The following TADA1 variants were observed in gnomAD, a reference collection of about 807,000 sequenced individuals.
TADA1 encodes transcriptional adaptor 1.
Under a neutral mutation model 39.3 loss-of-function variants are expected in TADA1, and 23 were observed. That is an observed-to-expected ratio of 0.58 (90% CI 0.42 to 0.83). The LOEUF is 0.83. Ranked by LOEUF, TADA1 falls within the 40% of genes least tolerant of loss-of-function variation. The probability of loss-of-function intolerance (pLI) is 0.00; values close to 1 mark genes in which losing one functional copy is unlikely to be tolerated. For synonymous variants in TADA1, 137 were observed against 151.8 expected, an observed-to-expected ratio of 0.90 and a Z score of 0.72; for missense variants, 352 against 408.1, an observed-to-expected ratio of 0.86 and a Z score of 1.18.
intron 1 of TADA1, among the ~76,000 whole-genome samples, chr1:166,873,216 A>G (rs893355573): frequency 2.6e-5 from 4 of 152,198 alleles, no homozygotes; most frequent in Non-Finnish European, 4.4e-5. Flanking sequence ...GGTTGCAGTG[A>G]GCCGAGATCG....
Position 166,864,033 on chromosome 1 carries a change from A to G in TADA1, c.233-112T>C, listed in dbSNP as rs561280513. 95 of 744,466 alleles carry G rather than the reference A, an allele frequency of 1.3e-4. No homozygotes were observed. The African/African-American group carries it at 1.7e-3, about 13-fold the overall frequency. 46.1% of individuals were successfully genotyped at this position (744,466 alleles called of 1,614,324 possible). On this transcript the variant is annotated intron_variant, in intron 3 of 7. Transcript: ENST00000367874. ...GAATGCTCATGAAATGCAAATAACT[A>G]ATGAATGCTTAAATCAAAACCTTCT...
At chr1:166,875,636 A>G (rs1658746828) in intron 1 of TADA1, among the ~76,000 whole-genome samples, 1 of 152,252 alleles carries the variant, frequency 6.6e-6, no homozygotes, top group African/African-American at 2.4e-5. Context: ...GTAGTGTTCA[A>G]TGACTGTGAT....
rs111946109 is a variant in TADA1 at position 166,865,746 on chromosome 1, G to A, written c.233-1825C>T. Among the ~76,000 whole-genome samples, 888 of 152,042 alleles carry A rather than the reference G, an allele frequency of 5.8e-3. 15 individuals carry two copies. The highest frequency in any genetic ancestry group is 0.02 in the African/African-American group (849 of 41,482). On this transcript the variant is annotated intron_variant, in intron 3 of 7. Coordinates refer to ENST00000367874, the MANE Select transcript of TADA1 (RefSeq NM_053053.4). Reference sequence around the variant, plus strand: ...AAGCAGGAGAATGGCGTGAACCTGGGAGGCGGAGCTTGCAGTGAGCCGAGA... The same window carrying A: ...AAGCAGGAGAATGGCGTGAACCTGGAAGGCGGAGCTTGCAGTGAGCCGAGA...
chr1:166,866,341 T>C (rs1208106806), intron 3 of TADA1, among the ~76,000 whole-genome samples: 1 of 152,198 alleles, frequency 6.6e-6, no homozygotes, highest in Non-Finnish European at 1.5e-5. Context: ...TGTTTCCTTA[T>C]CTATAAAAAC....
intron 6 of TADA1, 89 bp from the exon 7 acceptor site, chr1:166,858,370 A>G: frequency 1.0e-6 from 1 of 1,003,612 alleles, no homozygotes; most frequent in East Asian, 2.9e-5. Context: ...TATTTAAAAA[A>G]TCTTTAATTG....
intron 3 of TADA1, among the ~76,000 whole-genome samples, chr1:166,866,196 A>G (rs1658530754): frequency 6.6e-6 from 1 of 152,246 alleles, no homozygotes; most frequent in Non-Finnish European, 1.5e-5. Context: ...GAAGCACGCT[A>G]AGGCCTAACC....
chr1:166,862,276 A>G lies in TADA1; in HGVS notation c.467T>C (p.Ile156Thr), dbSNP rs1172007911. ...CAGCCCATGCTCATAAGCAGTCACT[A>G]TCATTCTCCCTTCAAGCTGGCCTCG... ...PTRGQLEGRMIVTAYEHGLDN... is the reference protein window; with the variant it reads ...PTRGQLEGRMTVTAYEHGLDN... The change falls in exon 5 of 8, where the codon ATA (isoleucine) becomes ACA (threonine). Residue 156 changes from isoleucine to threonine, a missense_variant. Transcript: ENST00000367874. The G allele has an allele frequency of 3.1e-6, 5 of 1,614,148 alleles. No individual in the cohort carries two copies. Among genetic ancestry groups the G allele is most frequent in the Non-Finnish European group, 4.2e-6 (5 of 1,180,006 alleles).
At chr1:166,872,684 AC>A (rs1432799412) in intron 1 of TADA1, among the ~76,000 whole-genome samples, 3 of 151,810 alleles carry the variant, frequency 2.0e-5, no homozygotes, top group Non-Finnish European at 2.9e-5. Flanking sequence ...AAAAAAAAAA[AC>A]CAAAGTGATC....
In TADA1 at chr1:166,857,611, G is replaced by C; in HGVS notation, c.964C>G (p.His322Asp). ...NHEELQQDKV[H>D]RQRLAAKEGL... ...TCCTTGGCTGCCAAGCGCTGGCGGT[G>C]AACTTTGTCTTGCTGCAGCTCTTCA... Residue 322 changes from histidine to aspartate, a missense_variant, in exon 8 of 8, where the codon CAC becomes GAC. Around this residue, in one of 3 missense-constraint regions of TADA1, gnomAD observed 285 missense variants for 310.9 expected, o/e 0.92. Transcript: ENST00000367874. 6.2e-7 allele frequency: 1 copy of C among 1,614,176 alleles called. No individual in the cohort carries two copies. Among genetic ancestry groups the C allele is most frequent in the Non-Finnish European group, 8.5e-7 (1 of 1,180,026 alleles).
intron 3 of TADA1, among the ~76,000 whole-genome samples, chr1:166,867,856 A>T (rs1427622088): frequency 6.6e-6 from 1 of 152,204 alleles, no homozygotes; most frequent in Non-Finnish European, 1.5e-5. Flanking sequence ...CTGGGAATAC[A>T]GGCGTGAGCC....
chr1:166,876,239 C>G lies in TADA1; in HGVS notation c.-6G>C. On this transcript the variant is annotated 5_prime_UTR_variant, in exon 1 of 8. Coordinates refer to ENST00000367874, the MANE Select transcript of TADA1 (RefSeq NM_053053.4). ...TCGCTCACAAAGGTCGCCATTGCTC[C>G]GCGTGTCTCAGCCCGACCGCAGACC... 6.2e-7 allele frequency: 1 copy of G among 1,612,902 alleles called. No individual in the cohort carries two copies. Among genetic ancestry groups the G allele is most frequent in the Non-Finnish European group, 8.5e-7 (1 of 1,179,558 alleles).
rs1216936776 is a variant in TADA1 at position 166,869,860 on chromosome 1, G to A, written c.75-6C>T. 1 of 1,613,014 alleles carries A rather than the reference G, an allele frequency of 6.2e-7. No individual in the cohort carries two copies. Among genetic ancestry groups the A allele is most frequent in the East Asian group, 2.2e-5 (1 of 44,824 alleles). ...GCTTTAGGTTAGCCCAGTATCTGCA[G>A]AGGCAGAAACAATACTAAGAACCAC... On this transcript the variant is annotated splice_region_variant and splice_polypyrimidine_tract_variant and intron_variant, in intron 1 of 7. Transcript: ENST00000367874.
intron 3 of TADA1, among the ~76,000 whole-genome samples, chr1:166,865,768 G>A (rs989034571): frequency 7.9e-5 from 12 of 151,740 alleles, no homozygotes; most frequent in Admixed American, 4.6e-4. Context: ...GCAGTGAGCC[G>A]AGAAAGCACC....
chr1:166,857,987 G>C, intron 7 of TADA1, 132 bp downstream of exon 7: 1 of 1,187,982 alleles, frequency 8.4e-7, no homozygotes, highest in Non-Finnish European at 1.2e-6. Context: ...TATTAATAAC[G>C]GCTTTTATAA....
intron 3 of TADA1, among the ~76,000 whole-genome samples, chr1:166,865,466 G>C (rs1298565686): frequency 1.4e-5 from 2 of 148,128 alleles, no homozygotes; most frequent in Non-Finnish European, 3.0e-5. Flanking sequence ...AACATATATT[G>C]TTTAATGTTA....
At chr1:166,860,537 A>G (rs1369072079) in intron 5 of TADA1, among the ~76,000 whole-genome samples, 200 bp from the exon 6 acceptor site, 1 of 152,182 alleles carries the variant, frequency 6.6e-6, no homozygotes, top group Non-Finnish European at 1.5e-5. Context: ...AGAGGGGGAC[A>G]TGCTTATTTT....
At position 166,860,314 on chromosome 1, in the gene TADA1, C is replaced by T. The variant is rs142392611; in HGVS notation, c.564G>A (p.Thr188=). ...AAGCTTTCCTTCTTGACACAACTGA[C>T]GTCAGTATATCTTTAAGGTGATTCT... ...AVENHLKDIL[T]SVVSRRKAYR... Residue 188 remains threonine, a synonymous_variant, in exon 6 of 8, where the codon ACG becomes ACA. Coordinates refer to ENST00000367874, the MANE Select transcript of TADA1 (RefSeq NM_053053.4). 20 of 1,611,930 alleles carry T rather than the reference C, an allele frequency of 1.2e-5. 1 individual carries two copies. Among genetic ancestry groups the T allele is most frequent in the African/African-American group, 9.4e-5 (7 of 74,788 alleles).
At chr1:166,857,754 C>T in intron 7 of TADA1, 35 bp from the exon 8 acceptor site, 1 of 1,594,794 alleles carries the variant, frequency 6.3e-7, no homozygotes, top group Non-Finnish European at 8.5e-7. Flanking sequence ...TCCAATTATA[C>T]TTGAGTAGAC....
At chr1:166,863,685 A>G in intron 4 of TADA1, 139 bp downstream of exon 4, 1 of 759,944 alleles carries the variant, frequency 1.3e-6, no homozygotes, top group Non-Finnish European at 2.2e-6. Context: ...CAATCCTTGA[A>G]ACGCTTTTCT....
Sources: allele counts gnomAD v4.1 joint callset (sites outside exome capture counted in the v4.1 genomes callset), GRCh38; gene constraint gnomAD v4.1.1; regional missense constraint gnomAD v4.1.1; transcripts MANE v1.5; gene names NCBI Gene and HGNC (gene_info 2026-07-23, HGNC 2026-07-21).